CELF1: variants seen among roughly 807,000 people sequenced by gnomAD.
CELF1 encodes the protein 50 kDa nuclear polyadenylated RNA-binding protein.
CELF1 carries 10 observed loss-of-function variants against 61.8 expected under a neutral mutation model. That is an observed-to-expected ratio of 0.16 (90% CI 0.10 to 0.27). The LOEUF is 0.27. Ranked by LOEUF, CELF1 falls within the 10% of genes least tolerant of loss-of-function variation. The pLI is 1.00. For synonymous variants in CELF1, 236 were observed against 225.1 expected, an observed-to-expected ratio of 1.05 and a Z score of -0.43; for missense variants, 380 against 639.1, an observed-to-expected ratio of 0.59 and a Z score of 4.37.
chr11:47,537,486 A>C (rs967766070), intron 1 of CELF1, among the ~76,000 whole-genome samples: 4 of 151,908 alleles, frequency 2.6e-5, no homozygotes, highest in African/African-American at 9.7e-5. Context: ...TGACCTCGTG[A>C]TCCACCCGAC....
At chr11:47,532,299 T>A (rs1053948405) in intron 1 of CELF1, among the ~76,000 whole-genome samples, 7 of 152,214 alleles carry the variant, frequency 4.6e-5, no homozygotes, top group Non-Finnish European at 1.0e-4. Flanking sequence ...GTGCTGGGAT[T>A]ACAGGCGTGA....
At chr11:47,494,376 AG>A (rs1260384931) in intron 3 of CELF1, 4 of 984,002 alleles carry the variant, frequency 4.1e-6, no homozygotes, top group Admixed American at 6.1e-5. Flanking sequence ...GCCATTATTA[AG>A]AATGAGCAAC....
intron 1 of CELF1, among the ~76,000 whole-genome samples, chr11:47,544,002 A>G (rs566739155): frequency 6.6e-6 from 1 of 152,350 alleles, no homozygotes; most frequent in South Asian, 2.1e-4. Context: ...TCCTAACAGT[A>G]GACTCTCAAA....
At chr11:47,483,275 G>C (rs1352844624) in intron 8 of CELF1, among the ~76,000 whole-genome samples, 178 bp downstream of exon 8, 1 of 152,060 alleles carries the variant, frequency 6.6e-6, no homozygotes, top group Non-Finnish European at 1.5e-5. Flanking sequence ...AAAAAAAGGG[G>C]TAGGGAGAGC....
chr11:47,550,912 G>A (rs1407642610), intron 1 of CELF1, among the ~76,000 whole-genome samples: 1 of 152,014 alleles, frequency 6.6e-6, no homozygotes, highest in Non-Finnish European at 1.5e-5. Flanking sequence ...GACTTGCCAA[G>A]GTTGTGTAAC....
intron 1 of CELF1, among the ~76,000 whole-genome samples, chr11:47,527,708 G>T (rs1194086765): frequency 6.6e-6 from 1 of 152,150 alleles, no homozygotes; most frequent in African/African-American, 2.4e-5. Flanking sequence ...AGTTTACTGT[G>T]AATTAATATG....
At chr11:47,522,700 G>A (rs1028424289) in intron 1 of CELF1, among the ~76,000 whole-genome samples, 4 of 151,892 alleles carry the variant, frequency 2.6e-5, no homozygotes, top group East Asian at 1.9e-4. Flanking sequence ...GGTGGCATGC[G>A]CTTGTAGTCG....
intron 1 of CELF1, among the ~76,000 whole-genome samples, chr11:47,531,837 T>C (rs1192509006): frequency 1.3e-5 from 2 of 152,192 alleles, no homozygotes; most frequent in Non-Finnish European, 2.9e-5. Flanking sequence ...TATCATCATC[T>C]CTTCCCTCCC....
At chr11:47,543,870 A>AT (rs745975839) in intron 1 of CELF1, among the ~76,000 whole-genome samples, 1 of 152,336 alleles carries the variant, frequency 6.6e-6, no homozygotes, top group South Asian at 2.1e-4. Context: ...ACAACTCTAA[A>AT]TATTAGAGCC....
At chr11:47,487,322 A>G (rs2088016442) in intron 4 of CELF1, 81 bp from the exon 5 acceptor site, 1 of 1,015,560 alleles carries the variant, frequency 9.8e-7, no homozygotes, top group East Asian at 2.4e-5. Flanking sequence ...CTGACAGATC[A>G]GATCTTAAAA....
intron 4 of CELF1, 49 bp downstream of exon 4, chr11:47,488,788 C>G (rs574401574): frequency 7.3e-7 from 1 of 1,370,334 alleles, no homozygotes; most frequent in African/African-American, 1.5e-5. Flanking sequence ...CTCACCTGCT[C>G]TGAGAGTCAG....
chr11:47,525,039 C>T (rs1466085676), intron 1 of CELF1, among the ~76,000 whole-genome samples: 1 of 152,136 alleles, frequency 6.6e-6, no homozygotes, highest in Non-Finnish European at 1.5e-5. Flanking sequence ...CTTCCCAGAT[C>T]AGCAGTAGTG....
At chr11:47,475,256 AGCCTTTGCTCT>A in intron 13 of CELF1, 69 bp downstream of exon 13, 1 of 1,376,806 alleles carries the variant, frequency 7.3e-7, no homozygotes, top group Non-Finnish European at 1.0e-6. Flanking sequence ...TGGTTCCCTC[AGCCTTTGCTCT>A]GCCTTTCCGT....
intron 6 of CELF1, among the ~76,000 whole-genome samples, chr11:47,485,053 A>C (rs2085874180): frequency 1.3e-5 from 2 of 152,224 alleles, no homozygotes; most frequent in South Asian, 4.1e-4. Flanking sequence ...GTAGCTTTGT[A>C]ATCTTGTGAA....
intron 10 of CELF1, among the ~76,000 whole-genome samples, chr11:47,478,468 TC>T (rs1194241566): frequency 2.0e-5 from 3 of 152,246 alleles, no homozygotes; most frequent in African/African-American, 7.2e-5. Context: ...ATGCCTGGGT[TC>T]TAGAAGCTTC....
intron 2 of CELF1, among the ~76,000 whole-genome samples, 196 bp downstream of exon 2, chr11:47,500,665 T>C (rs1330316004): frequency 6.6e-6 from 1 of 151,940 alleles, no homozygotes; most frequent in East Asian, 1.9e-4. Flanking sequence ...AAAATTCTAT[T>C]ATGGGTGAGC....
rs977741805 is a variant in CELF1 at position 47,549,570 on chromosome 11, C to T, written c.-154+3422G>A. Among the ~76,000 whole-genome samples, 55 of 151,962 alleles carry T rather than the reference C, an allele frequency of 3.6e-4. 1 individual carries two copies. The stretch of plus-strand genomic sequence containing the variant: ...TACACTAAGTGAAATAAGTCTGTCA[C>T]AAAAAACAGACATGGTATGATTCCA... On this transcript the variant is annotated intron_variant, in intron 1 of 14. Coordinates refer to ENST00000687097, the MANE Select transcript of CELF1 (RefSeq NM_001376376.1).
chr11:47,526,877 C>T (rs1031539351), intron 1 of CELF1, among the ~76,000 whole-genome samples: 6 of 151,918 alleles, frequency 3.9e-5, no homozygotes, highest in African/African-American at 1.5e-4. Flanking sequence ...AAGGTGAAAC[C>T]CTGTCTCTAT....
intron 3 of CELF1, among the ~76,000 whole-genome samples, chr11:47,497,183 A>T (rs915248689): frequency 6.6e-6 from 1 of 152,222 alleles, no homozygotes; most frequent in Admixed American, 6.5e-5. Context: ...GTAATCAATG[A>T]GCAGTATTTA....
Sources: gnomAD v4.1 joint callset for allele counts (sites outside exome capture counted in the v4.1 genomes callset) on GRCh38, gnomAD v4.1.1 for gene constraint, MANE v1.5 for transcripts, NCBI Gene and HGNC (gene_info 2026-07-23, HGNC 2026-07-21) for gene names.